The following FMN2 variants were observed in gnomAD, a reference collection of about 807,000 sequenced individuals.
The protein encoded by FMN2 is formin-2.
In FMN2, 51 loss-of-function variants were observed where a neutral mutation model predicts 142.3. The observed-to-expected ratio is 0.36, with a 90% CI of 0.29 to 0.45. The LOEUF (loss-of-function observed/expected upper bound fraction) is 0.45. FMN2 is among the 20% of genes least tolerant of loss of function. The pLI, the probability that FMN2 is intolerant of heterozygous loss-of-function variation, is 1.00. For missense variants in FMN2, 1,936 were observed against 2,122.8 expected, an observed-to-expected ratio of 0.91 and a Z score of 1.73; for synonymous variants, 882 against 869.8, an observed-to-expected ratio of 1.01 and a Z score of -0.25.
rs558406556 is a variant in FMN2 at position 240,474,270 on chromosome 1, C to T, written c.*116C>T. 15 of 997,470 alleles carry T rather than the reference C, an allele frequency of 1.5e-5. No homozygotes were observed. The South Asian group carries it at 2.1e-4, about 14-fold the overall frequency. The allele number at this position is 997,470 out of a possible 1,614,324, so 61.8% of individuals were successfully genotyped here. A position where few individuals can be genotyped will look rare whatever the true frequency, so the allele number is the denominator to read the frequency against. ...GCTCATGTTTCTTCTTGACCTCTTG[C>T]ATAATCTTTTTGTTTTCTAGACAGT... On this transcript the variant is annotated 3_prime_UTR_variant, in exon 18 of 18. Transcript: ENST00000319653.
intron 2 of FMN2, chr1:240,143,991 G>A: frequency 7.8e-7 from 1 of 1,289,252 alleles, no homozygotes; most frequent in East Asian, 2.3e-5. Context: ...AGCAGTCCCA[G>A]AGCAGGGACA....
intron 2 of FMN2, among the ~76,000 whole-genome samples, chr1:240,158,027 C>T (rs1010043448): frequency 2.0e-5 from 3 of 150,838 alleles, no homozygotes; most frequent in Non-Finnish European, 4.4e-5. Context: ...CACCTATAGT[C>T]CCAGCTACTT....
chr1:240,211,361 G>A, intron 6 of FMN2, 126 bp downstream of exon 6: 1 of 852,680 alleles, frequency 1.2e-6, no homozygotes, highest in East Asian at 2.6e-5. Flanking sequence ...CAGACAGCAA[G>A]GGTTAGAACT....
At chr1:240,263,696 C>T (rs549382412) in intron 7 of FMN2, among the ~76,000 whole-genome samples, 1 of 152,228 alleles carries the variant, frequency 6.6e-6, no homozygotes, top group South Asian at 2.1e-4. Context: ...ACTCCCTCTG[C>T]AAAAATATTT....
At chr1:240,192,296 A>T (rs1205278820) in intron 4 of FMN2, among the ~76,000 whole-genome samples, 2 of 152,180 alleles carry the variant, frequency 1.3e-5, no homozygotes, top group East Asian at 3.8e-4. Flanking sequence ...CTCAGAAACA[A>T]AGTTTGAAGA....
chr1:240,445,057 G>A (rs1675757970), intron 16 of FMN2, among the ~76,000 whole-genome samples: 6 of 152,184 alleles, frequency 3.9e-5, no homozygotes, highest in Admixed American at 3.9e-4. Context: ...CCTCTTCTCA[G>A]TGCCAACTTT....
chr1:240,424,562 C>T (rs191560148), intron 15 of FMN2, among the ~76,000 whole-genome samples: 3 of 152,314 alleles, frequency 2.0e-5, no homozygotes, highest in Admixed American at 2.0e-4. Context: ...TGTCTTATCA[C>T]ACTCCAAATA....
chr1:240,233,371 C>T (rs531523242), intron 6 of FMN2, among the ~76,000 whole-genome samples: 5 of 144,354 alleles, frequency 3.5e-5, no homozygotes, highest in Admixed American at 7.0e-5. Context: ...GGTGACAGAG[C>T]GAGACTTCAT....
chr1:240,243,205 T>G (rs1372495801), intron 6 of FMN2, among the ~76,000 whole-genome samples: 1 of 152,216 alleles, frequency 6.6e-6, no homozygotes, highest in Non-Finnish European at 1.5e-5. Context: ...TTCTTCACTT[T>G]TGAGTGTAGA....
At chr1:240,377,931 C>T (rs1673100098) in intron 14 of FMN2, among the ~76,000 whole-genome samples, 1 of 152,034 alleles carries the variant, frequency 6.6e-6, no homozygotes, top group East Asian at 1.9e-4. Context: ...GGGACATGGA[C>T]ATTTTTAGAG....
intron 2 of FMN2, chr1:240,144,944 A>G (rs1663374953): frequency 4.6e-6 from 6 of 1,291,038 alleles, no homozygotes; most frequent in African/African-American, 4.3e-5. Flanking sequence ...GGAGCCTACT[A>G]GCCGATACTT....
chr1:240,095,792 A>T (rs1661176413), intron 1 of FMN2, among the ~76,000 whole-genome samples: 1 of 152,164 alleles, frequency 6.6e-6, no homozygotes. Flanking sequence ...TTTGCTAAGT[A>T]TTCCCAAATT....
At chr1:240,162,536 C>G (rs539061099) in intron 2 of FMN2, among the ~76,000 whole-genome samples, 119 of 152,192 alleles carry the variant, frequency 7.8e-4, no homozygotes, top group African/African-American at 2.8e-3. Context: ...TGGTAAATTG[C>G]ATTTTTTTCC....
intron 8 of FMN2, among the ~76,000 whole-genome samples, chr1:240,309,892 G>A (rs1670544684): frequency 6.6e-6 from 1 of 152,138 alleles, no homozygotes; most frequent in Non-Finnish European, 1.5e-5. Flanking sequence ...AGTCACGTGT[G>A]TTTGTGACTT....
In FMN2 at chr1:240,208,406, G is replaced by A. The variant is rs200759129; in HGVS notation, c.3594G>A (p.Pro1198=). 7.8e-6 allele frequency: 12 copies of A among 1,538,504 alleles called. No individual in the cohort carries two copies. The East Asian group carries it at 9.4e-5, about 12-fold the overall frequency. Residue 1198 remains proline, a synonymous_variant, in exon 5 of 18, where the codon CCG becomes CCA. Coordinates refer to ENST00000319653, the MANE Select transcript of FMN2 (RefSeq NM_020066.5). Reference sequence around the variant, plus strand: ...TACCTGGAGTGGGAATACCTCCTCCGCCCCCTCTACCTGGTGCTGGGATTC... The same window carrying A: ...TACCTGGAGTGGGAATACCTCCTCCACCCCCTCTACCTGGTGCTGGGATTC... The part of the protein sequence containing the change: ...PPLPGVGIPP[P]PPLPGAGIPP...
intron 7 of FMN2, among the ~76,000 whole-genome samples, chr1:240,260,527 G>A (rs1362720422): frequency 2.0e-5 from 3 of 152,004 alleles, no homozygotes; most frequent in African/African-American, 7.2e-5. Flanking sequence ...ATTTTTTCAT[G>A]TTTGTTGGCC....
chr1:240,270,977 A>T (rs1035433889), intron 7 of FMN2, among the ~76,000 whole-genome samples: 4 of 152,020 alleles, frequency 2.6e-5, no homozygotes, highest in Non-Finnish European at 4.4e-5. Context: ...CAAAATAGCT[A>T]AACAAGAGGG....
rs914165992 is a variant in FMN2 at position 240,257,451 on chromosome 1, A to T, written c.4066-494A>T. Among the ~76,000 whole-genome samples the T allele has an allele frequency of 5.5e-4, 83 of 152,270 alleles. 1 individual carries two copies. Among genetic ancestry groups the T allele is most frequent in the Non-Finnish European group, 1.1e-3 (73 of 68,024 alleles). The stretch of plus-strand genomic sequence containing the variant: ...GTGACCCAAGTGAAAGCACTTTTTT[A>T]AAAAAATTTTTCATGACACAACCAA... On this transcript the variant is annotated intron_variant, in intron 6 of 17. Coordinates refer to ENST00000319653, the MANE Select transcript of FMN2 (RefSeq NM_020066.5).
chr1:240,351,608 T>C (rs2103041121), intron 13 of FMN2, among the ~76,000 whole-genome samples: 1 of 152,336 alleles, frequency 6.6e-6, no homozygotes, highest in South Asian at 2.1e-4. Flanking sequence ...TGAAAATTAA[T>C]TTAAAATAAG....
Sources: gnomAD v4.1 joint callset for allele counts (sites outside exome capture counted in the v4.1 genomes callset) on GRCh38, gnomAD v4.1.1 for gene constraint, MANE v1.5 for transcripts, NCBI Gene and HGNC (gene_info 2026-07-23, HGNC 2026-07-21) for gene names.